Variants in DLG2 observed in about 807,000 individuals in gnomAD.
DLG2 encodes discs large MAGUK scaffold protein 2.
Under a neutral mutation model 132.5 loss-of-function variants are expected in DLG2, and 45 were observed. The observed-to-expected ratio is 0.34, with a 90% CI of 0.27 to 0.44. The LOEUF (loss-of-function observed/expected upper bound fraction) is 0.44, where lower values mean the gene tolerates loss of function less well. Ranked by LOEUF, DLG2 falls within the 20% of genes least tolerant of loss-of-function variation. The pLI, the probability that DLG2 is intolerant of heterozygous loss-of-function variation, is 1.00. For missense variants in DLG2, 1,045 were observed against 1,196.9 expected, an observed-to-expected ratio of 0.87 and a Z score of 1.87; for synonymous variants, 424 against 419.6, an observed-to-expected ratio of 1.01 and a Z score of -0.13.
At chr11:85,263,860 T>A (rs1039872386) in intron 4 of DLG2, among the ~76,000 whole-genome samples, 1 of 152,088 alleles carries the variant, frequency 6.6e-6, no homozygotes, top group Non-Finnish European at 1.5e-5. Flanking sequence ...ACATCATAGG[T>A]GGTAACAGTT....
chr11:84,638,760 A>C (rs2099645084), intron 6 of DLG2, among the ~76,000 whole-genome samples: 1 of 152,166 alleles, frequency 6.6e-6, no homozygotes, highest in South Asian at 2.1e-4. Context: ...TATTATCTTC[A>C]GAAATTATTA....
At chr11:83,927,118 C>T (rs191314923) in intron 15 of DLG2, among the ~76,000 whole-genome samples, 25 of 152,206 alleles carry the variant, frequency 1.6e-4, no homozygotes, top group African/African-American at 3.6e-4. Flanking sequence ...CTTGAGCTTA[C>T]GACTTGTTTT....
intron 11 of DLG2, among the ~76,000 whole-genome samples, chr11:83,992,974 G>A (rs1379618641): frequency 1.3e-5 from 2 of 152,074 alleles, no homozygotes; most frequent in African/African-American, 4.8e-5. Flanking sequence ...TGCATAAAAT[G>A]GCAAAGAGCT....
chr11:84,585,142 A>G (rs1290775033), intron 6 of DLG2, among the ~76,000 whole-genome samples: 1 of 152,038 alleles, frequency 6.6e-6, no homozygotes, highest in Non-Finnish European at 1.5e-5. Context: ...ATTTAATCAA[A>G]AGTTTGTTCA....
In DLG2 at chr11:85,403,329, T is replaced by G. The variant is rs114232424; in HGVS notation, c.41-117964A>C. 6.1e-3 allele frequency among the ~76,000 whole-genome samples: 931 copies of G among 151,846 alleles called. 10 individuals carry two copies. The highest frequency in any genetic ancestry group is 0.021 in the African/African-American group (866 of 41,444). On this transcript the variant is annotated intron_variant, in intron 3 of 27. Transcript: ENST00000376104. Reference sequence around the variant, plus strand: ...ACACAGGGTCGGGTACATCAAACATTGGGGCCTGTCAGTTGGTGGGGGCTG... The same window carrying G: ...ACACAGGGTCGGGTACATCAAACATGGGGGCCTGTCAGTTGGTGGGGGCTG...
chr11:83,850,160 G>GTGTGTGTGTTTTT lies in DLG2; in HGVS notation c.1566-16391_1566-16390insAAAAACACACACA, dbSNP rs1452960432. Among the ~76,000 whole-genome samples, 264 of 124,360 alleles carry GTGTGTGTGTTTTT rather than the reference G, an allele frequency of 2.1e-3. 2 individuals are homozygous for GTGTGTGTGTTTTT. The highest frequency in any genetic ancestry group is 8.0e-3 in the African/African-American group (222 of 27,706). 81.6% of individuals were successfully genotyped at this position (124,360 alleles called of 152,430 possible). A position where few individuals can be genotyped will look rare whatever the true frequency, so the allele number is the denominator to read the frequency against. ...TGTGTGTGTGTGTGTGTGTGTGTGT[G>GTGTGTGTGTTTTT]TTTTTTTACTTGAGACGGAGTCTCA... On this transcript the variant is annotated intron_variant, in intron 16 of 27. Transcript: ENST00000376104.
At chr11:84,046,591 A>AT (rs2096247852) in intron 11 of DLG2, among the ~76,000 whole-genome samples, 1 of 151,584 alleles carries the variant, frequency 6.6e-6, no homozygotes. Context: ...TCTTCCAGAA[A>AT]TGTACCTAGT....
intron 18 of DLG2, among the ~76,000 whole-genome samples, chr11:83,675,898 C>T (rs2077596486): frequency 6.6e-6 from 1 of 152,190 alleles, no homozygotes; most frequent in African/African-American, 2.4e-5. Flanking sequence ...AGGACATGCA[C>T]CATCATATGC....
At chr11:84,868,075 AAAT>A (rs761520141) in intron 6 of DLG2, among the ~76,000 whole-genome samples, 44 of 148,944 alleles carry the variant, frequency 3.0e-4, no homozygotes, top group Non-Finnish European at 4.2e-4. Flanking sequence ...TTCCGTCTCA[AAAT>A]AATAATAATT....
chr11:84,436,328 A>C (rs1488986208), intron 7 of DLG2, among the ~76,000 whole-genome samples: 2 of 152,174 alleles, frequency 1.3e-5, no homozygotes, highest in African/African-American at 4.8e-5. Flanking sequence ...TTGGTTCATC[A>C]CTGGATTCTT....
intron 3 of DLG2, among the ~76,000 whole-genome samples, chr11:85,506,554 T>G (rs2093938901): frequency 6.6e-6 from 1 of 152,234 alleles, no homozygotes; most frequent in Admixed American, 6.5e-5. Flanking sequence ...TCCTGAGTTC[T>G]AATGTGATTG....
intron 7 of DLG2, among the ~76,000 whole-genome samples, chr11:84,353,167 C>G (rs1408871507): frequency 6.6e-6 from 1 of 152,196 alleles, no homozygotes; most frequent in Non-Finnish European, 1.5e-5. Context: ...ACTTGCTTCT[C>G]AACTTACTGC....
At chr11:84,356,744 A>C (rs2098614692) in intron 7 of DLG2, among the ~76,000 whole-genome samples, 1 of 152,076 alleles carries the variant, frequency 6.6e-6, no homozygotes, top group Non-Finnish European at 1.5e-5. Flanking sequence ...TCAAAGGAGG[A>C]TCAAGGGAAA....
chr11:83,620,513 T>C (rs1170094025), intron 19 of DLG2, among the ~76,000 whole-genome samples: 4 of 152,036 alleles, frequency 2.6e-5, no homozygotes, highest in Non-Finnish European at 5.9e-5. Context: ...GAAAATGGCA[T>C]AAAAGATGAA....
At chr11:84,215,604 A>G (rs2096825803) in intron 8 of DLG2, among the ~76,000 whole-genome samples, 1 of 152,170 alleles carries the variant, frequency 6.6e-6, no homozygotes, top group Non-Finnish European at 1.5e-5. Context: ...GTAGTGTCCC[A>G]TCTACATGCT....
At chr11:84,237,770 G>A (rs1397295176) in intron 8 of DLG2, among the ~76,000 whole-genome samples, 4 of 151,612 alleles carry the variant, frequency 2.6e-5, no homozygotes, top group African/African-American at 4.9e-5. Flanking sequence ...GGGCATGGTG[G>A]CTTATGCCTA....
At chr11:83,710,313 C>T (rs1416691282) in intron 18 of DLG2, among the ~76,000 whole-genome samples, 3 of 152,098 alleles carry the variant, frequency 2.0e-5, no homozygotes, top group Non-Finnish European at 4.4e-5. Context: ...CAGGTACCCG[C>T]CACCATGCCT....
intron 6 of DLG2, among the ~76,000 whole-genome samples, chr11:84,794,189 A>G (rs1306171109): frequency 6.6e-6 from 1 of 152,274 alleles, no homozygotes; most frequent in Admixed American, 6.5e-5. Context: ...TTTAGAAAGA[A>G]TAAGACCTAC....
intron 6 of DLG2, among the ~76,000 whole-genome samples, chr11:84,860,895 C>A (rs1156713116): frequency 6.6e-6 from 1 of 150,894 alleles, no homozygotes; most frequent in African/African-American, 2.4e-5. Context: ...TAAATAAATA[C>A]TAAGAATGAA....
Sources: allele counts gnomAD v4.1 joint callset (sites outside exome capture counted in the v4.1 genomes callset), GRCh38; gene constraint gnomAD v4.1.1; transcripts MANE v1.5; gene names NCBI Gene and HGNC (gene_info 2026-07-23, HGNC 2026-07-21).